Variants in IL1RAPL2 observed in about 807,000 individuals in gnomAD.
The protein encoded by IL1RAPL2 is X-linked interleukin-1 receptor accessory protein-like 2.
Under a neutral mutation model 44.1 loss-of-function variants are expected in IL1RAPL2, and 3 were observed. The ratio of observed to expected loss-of-function variants is 0.07; its 90% CI spans 0.03 to 0.18. The LOEUF (loss-of-function observed/expected upper bound fraction) is 0.18, where lower values mean the gene tolerates loss of function less well. IL1RAPL2 is among the 10% of genes least tolerant of loss of function. The pLI, the probability that IL1RAPL2 is intolerant of heterozygous loss-of-function variation, is 1.00. For synonymous variants in IL1RAPL2, 181 were observed against 178.8 expected, an observed-to-expected ratio of 1.01 and a Z score of -0.10; for missense variants, 391 against 496.4, an observed-to-expected ratio of 0.79 and a Z score of 2.02.
chrX:105,767,031 C>A lies in IL1RAPL2; in HGVS notation c.1431C>A (p.Asp477Glu). The A allele has an allele frequency of 8.3e-7, 1 of 1,208,525 alleles. No individual in the cohort carries two copies. Among genetic ancestry groups the A allele is most frequent in the Non-Finnish European group, 1.1e-6 (1 of 892,722 alleles). ...GACTTATTATCGTGCTAACTCCAGA[C>A]TATATTCTCAGACGGGGATGGAGTA... is the stretch of plus-strand genomic sequence containing the variant. Reference protein sequence around the residue: ...SRRLIIVLTPDYILRRGWSIF... With the variant: ...SRRLIIVLTPEYILRRGWSIF... Residue 477 changes from aspartate to glutamate, a missense_variant, in exon 11 of 11, where the codon GAC becomes GAA. Coordinates refer to ENST00000372582, the MANE Select transcript of IL1RAPL2 (RefSeq NM_017416.2).
At chrX:104,948,651 C>T (rs1264959139) in intron 2 of IL1RAPL2, among the ~76,000 whole-genome samples, 14 of 110,942 alleles carry the variant, frequency 1.3e-4, no homozygotes, top group Admixed American at 4.8e-4. Flanking sequence ...TTGTCAAAGG[C>T]CTTTTCTGCA....
intron 5 of IL1RAPL2, among the ~76,000 whole-genome samples, chrX:105,411,662 C>T (rs187196206): frequency 4.1e-4 from 45 of 110,923 alleles, no homozygotes; most frequent in Admixed American, 3.1e-3. Flanking sequence ...CACCCAAATA[C>T]GTAAAGAAAA....
At chrX:104,924,022 T>A (rs148771036) in intron 2 of IL1RAPL2, among the ~76,000 whole-genome samples, 3 of 87,078 alleles carry the variant, frequency 3.4e-5, no homozygotes, top group Admixed American at 2.9e-4. Context: ...TTATATCTGA[T>A]TAAAACACAC....
intron 7 of IL1RAPL2, among the ~76,000 whole-genome samples, chrX:105,719,746 T>TAAA (rs3038940): frequency 0.013 from 1,269 of 99,758 alleles, 24 homozygotes; most frequent in African/African-American, 0.043. Context: ...CTGTTTTTCT[T>TAAA]AAAAAAAAAA....
chrX:105,236,630 C>T lies in IL1RAPL2; in HGVS notation c.543+2626C>T, dbSNP rs140997268. ...ACTCTTAGCCCCTACAGTATACTAA[C>T]GGATTAGGATAAAATACTAGAATCA... On this transcript the variant is annotated intron_variant, in intron 4 of 10. Coordinates refer to ENST00000372582, the MANE Select transcript of IL1RAPL2 (RefSeq NM_017416.2). Among the ~76,000 whole-genome samples the T allele has an allele frequency of 2.7e-3, 295 of 111,224 alleles. 2 individuals carry two copies. Among genetic ancestry groups the T allele is most frequent in the African/African-American group, 9.4e-3 (288 of 30,654 alleles).
At chrX:105,018,057 T>C (rs1272137781) in intron 2 of IL1RAPL2, among the ~76,000 whole-genome samples, 2 of 111,762 alleles carry the variant, frequency 1.8e-5, no homozygotes, top group Non-Finnish European at 3.8e-5. Context: ...AATTAGACTC[T>C]TTCTTTGAGT....
chrX:104,641,261 G>T (rs1929929696), intron 1 of IL1RAPL2, among the ~76,000 whole-genome samples: 1 of 111,515 alleles, frequency 9.0e-6, no homozygotes, highest in South Asian at 3.8e-4. Flanking sequence ...GGTGCCCACG[G>T]TGGTAGACTG....
chrX:105,561,310 C>T (rs1051255901), intron 6 of IL1RAPL2, among the ~76,000 whole-genome samples: 2 of 111,784 alleles, frequency 1.8e-5, no homozygotes, highest in African/African-American at 6.5e-5. Context: ...GTTTCCCCTT[C>T]ACCTTGGGAG....
intron 5 of IL1RAPL2, among the ~76,000 whole-genome samples, chrX:105,320,576 A>G (rs1035916135): frequency 1.0e-4 from 11 of 108,583 alleles, no homozygotes; most frequent in African/African-American, 3.9e-4. Context: ...GTACGTGTAT[A>G]TGTGCAGGTA....
intron 2 of IL1RAPL2, among the ~76,000 whole-genome samples, chrX:104,993,839 C>T (rs769598278): frequency 1.8e-5 from 2 of 111,670 alleles, no homozygotes; most frequent in East Asian, 2.8e-4. Context: ...ATGTGAACTT[C>T]GGCTGTCTGA....
At chrX:105,181,475 C>A (rs1158505485) in intron 2 of IL1RAPL2, among the ~76,000 whole-genome samples, 3 of 111,262 alleles carry the variant, frequency 2.7e-5, no homozygotes, top group Admixed American at 1.9e-4. Context: ...CTTCTTAGTA[C>A]TTCTTTTGCT....
At chrX:104,618,996 A>G (rs767074306) in intron 1 of IL1RAPL2, among the ~76,000 whole-genome samples, 19 of 112,062 alleles carry the variant, frequency 1.7e-4, no homozygotes, top group African/African-American at 5.5e-4. Flanking sequence ...GTTTCCAGTC[A>G]TCAAGCTGGC....
chrX:105,497,146 A>G (rs757876865), intron 6 of IL1RAPL2, among the ~76,000 whole-genome samples: 1 of 112,078 alleles, frequency 8.9e-6, no homozygotes, highest in East Asian at 2.8e-4. Flanking sequence ...AAATCACAAT[A>G]AAGTATCATA....
At chrX:105,643,759 A>G (rs151088732) in intron 6 of IL1RAPL2, among the ~76,000 whole-genome samples, 1,355 of 112,074 alleles carry the variant, frequency 0.012, 13 homozygotes, top group Non-Finnish European at 0.02. Flanking sequence ...AAACCCCTCA[A>G]GAGAGTGCCA....
At chrX:105,071,246 A>C (rs1272773116) in intron 2 of IL1RAPL2, among the ~76,000 whole-genome samples, 1 of 111,775 alleles carries the variant, frequency 8.9e-6, no homozygotes, top group East Asian at 2.8e-4. Context: ...ACAATAAACT[A>C]TCTGAAAAAG....
chrX:105,466,859 G>A (rs951783686), intron 5 of IL1RAPL2, among the ~76,000 whole-genome samples: 14 of 111,600 alleles, frequency 1.3e-4, no homozygotes, highest in African/African-American at 2.9e-4. Flanking sequence ...CACATCTGGC[G>A]CGGGCCTTTT....
chrX:105,133,553 A>G (rs1016053060), intron 2 of IL1RAPL2, among the ~76,000 whole-genome samples: 1 of 111,929 alleles, frequency 8.9e-6, no homozygotes, highest in African/African-American at 3.2e-5. Flanking sequence ...CAGAACCAAC[A>G]ATAACAATAA....
chrX:105,223,362 A>G (rs1213526641), intron 3 of IL1RAPL2, among the ~76,000 whole-genome samples: 3 of 111,406 alleles, frequency 2.7e-5, no homozygotes, highest in Non-Finnish European at 3.8e-5. Flanking sequence ...GCCTGCCTTC[A>G]TGGATCTCCT....
intron 2 of IL1RAPL2, among the ~76,000 whole-genome samples, chrX:104,831,156 G>T (rs898029346): frequency 1.8e-5 from 2 of 111,477 alleles, no homozygotes; most frequent in Non-Finnish European, 3.8e-5. Flanking sequence ...TAGGTATTTT[G>T]TCTGTAAGTA....
Sources: allele counts gnomAD v4.1 joint callset (sites outside exome capture counted in the v4.1 genomes callset), GRCh38; gene constraint gnomAD v4.1.1; transcripts MANE v1.5; gene names NCBI Gene and HGNC (gene_info 2026-07-23, HGNC 2026-07-21).